DRC10: variants seen among roughly 807,000 people sequenced by gnomAD.
DRC10 encodes the protein dynein regulatory complex subunit 10, also known as IQ domain-containing protein D.
At chr12:113,211,079 T>C in the DRC10 span, among the ~76,000 whole-genome samples, 5 of 152,256 alleles carry the variant, frequency 3.3e-5, no homozygotes, top group East Asian at 9.7e-4. Flanking sequence ...CATTGAGCTC[T>C]AGCTGCCATA....
the DRC10 span, among the ~76,000 whole-genome samples, chr12:113,210,768 A>G: frequency 2.0e-5 from 3 of 148,900 alleles, no homozygotes; most frequent in African/African-American, 7.5e-5. Flanking sequence ...GTTAAGTATC[A>G]CCATCTGACA....
the DRC10 span, among the ~76,000 whole-genome samples, chr12:113,198,618 C>T: frequency 6.6e-6 from 1 of 151,878 alleles, no homozygotes; most frequent in Non-Finnish European, 1.5e-5. Context: ...TTGCCAGGGA[C>T]AGGGGGAATA....
chr12:113,218,945 AT>A, the DRC10 span, among the ~76,000 whole-genome samples: 1 of 152,218 alleles, frequency 6.6e-6, no homozygotes, highest in African/African-American at 2.4e-5. Context: ...GAACATTTAT[AT>A]TTAAGTCTTT....
the DRC10 span, among the ~76,000 whole-genome samples, chr12:113,215,663 C>G: frequency 1.3e-5 from 2 of 152,088 alleles, no homozygotes; most frequent in African/African-American, 4.8e-5. Flanking sequence ...AATTTTAATT[C>G]CTCTTTTGGT....
chr12:113,199,487 A>C, the DRC10 span, among the ~76,000 whole-genome samples: 1 of 152,214 alleles, frequency 6.6e-6, no homozygotes, highest in African/African-American at 2.4e-5. Context: ...GGCCGGCTTC[A>C]GGGGGACTGG....
chr12:113,198,558 T>C, the DRC10 span, among the ~76,000 whole-genome samples: 3 of 152,212 alleles, frequency 2.0e-5, no homozygotes, highest in Non-Finnish European at 1.5e-5. Context: ...TCCATTCATA[T>C]GAAGTGTCTA....
chr12:113,207,843 C>T, the DRC10 span: 3,119 of 1,614,200 alleles, frequency 1.9e-3, 32 homozygotes, highest in South Asian at 0.013. Context: ...CTTTCTCTTT[C>T]AGGCACCTGA....
At chr12:113,196,915 T>C in the DRC10 span, among the ~76,000 whole-genome samples, 1 of 152,266 alleles carries the variant, frequency 6.6e-6, no homozygotes, top group Admixed American at 6.5e-5. Flanking sequence ...AAATGGGAAT[T>C]ACTGCCTTTG....
the DRC10 span, chr12:113,195,549 G>A: frequency 6.4e-7 from 1 of 1,558,728 alleles, no homozygotes; most frequent in South Asian, 1.2e-5. Flanking sequence ...GGAAGATAAG[G>A]GTCAGGAGCG....
chr12:113,212,326 C>T, the DRC10 span, among the ~76,000 whole-genome samples: 64 of 152,138 alleles, frequency 4.2e-4, no homozygotes, highest in Non-Finnish European at 7.9e-4. Flanking sequence ...ACCTTGGCCT[C>T]CCAAAGTGGT....
chr12:113,218,641 C>A, the DRC10 span, among the ~76,000 whole-genome samples: 10 of 151,216 alleles, frequency 6.6e-5, no homozygotes, highest in Non-Finnish European at 1.3e-4. Flanking sequence ...TAGGGTCTCA[C>A]TTTGTTACCA....
chr12:113,199,039 G>A, the DRC10 span, among the ~76,000 whole-genome samples: 13 of 152,124 alleles, frequency 8.5e-5, no homozygotes, highest in South Asian at 6.2e-4. Context: ...CTGAGTTCAA[G>A]CAATTCTCAT....
chr12:113,218,359 G>A, the DRC10 span, among the ~76,000 whole-genome samples: 4 of 152,040 alleles, frequency 2.6e-5, no homozygotes, highest in African/African-American at 9.6e-5. Flanking sequence ...GGTCAGGCTG[G>A]TCTCAAATTC....
the DRC10 span, among the ~76,000 whole-genome samples, chr12:113,213,741 T>G: frequency 6.6e-6 from 1 of 152,136 alleles, no homozygotes; most frequent in Non-Finnish European, 1.5e-5. Flanking sequence ...GGTTGATCAC[T>G]TGAGGTCAGG....
the DRC10 span, chr12:113,208,405 T>C: frequency 7.6e-7 from 1 of 1,309,876 alleles, no homozygotes; most frequent in Non-Finnish European, 9.8e-7. Context: ...GAAGCAGTTT[T>C]CAGCTTTGTG....
the DRC10 span, among the ~76,000 whole-genome samples, chr12:113,209,813 A>G: frequency 6.6e-6 from 1 of 152,218 alleles, no homozygotes; most frequent in African/African-American, 2.4e-5. Flanking sequence ...AATTATTACA[A>G]AGTAAAAAGT....
chr12:113,210,473 C>T, the DRC10 span, among the ~76,000 whole-genome samples: 2 of 152,070 alleles, frequency 1.3e-5, no homozygotes, highest in Non-Finnish European at 2.9e-5. Flanking sequence ...CGAACACCTA[C>T]TGCCTTGGCC....
chr12:113,196,032 G>T, the DRC10 span: 1 of 1,285,056 alleles, frequency 7.8e-7, no homozygotes, highest in African/African-American at 1.5e-5. Flanking sequence ...CTCGGTCCCA[G>T]TGACATGGAT....
chr12:113,197,190 CTTT>C, the DRC10 span, among the ~76,000 whole-genome samples: 618 of 119,934 alleles, frequency 5.2e-3, 9 homozygotes, highest in African/African-American at 0.017. Flanking sequence ...TAGCCAGTCG[CTTT>C]TTTTTTTTTT....
Sources: allele counts gnomAD v4.1 joint callset (sites outside exome capture counted in the v4.1 genomes callset), GRCh38; gene constraint gnomAD v4.1.1; transcripts MANE v1.5; gene names NCBI Gene and HGNC (gene_info 2026-07-23, HGNC 2026-07-21).